Variants in TNIK observed in about 807,000 individuals in gnomAD.
TNIK encodes the protein TRAF2 and NCK-interacting protein kinase.
Under a neutral mutation model 191.3 loss-of-function variants are expected in TNIK, and 49 were observed. The observed-to-expected ratio is 0.26, with a 90% CI of 0.20 to 0.32. TNIK has a LOEUF of 0.32. Among genes scored for constraint, TNIK ranks in the 10% least tolerant of loss-of-function variants. The pLI, the probability that TNIK is intolerant of heterozygous loss-of-function variation, is 1.00. For missense variants in TNIK, 1,155 were observed against 1,702.3 expected, an observed-to-expected ratio of 0.68 and a Z score of 5.66; for synonymous variants, 594 against 600.9, an observed-to-expected ratio of 0.99 and a Z score of 0.17.
intron 2 of TNIK, among the ~76,000 whole-genome samples, chr3:171,233,510 C>G (rs1004298574): frequency 1.3e-5 from 2 of 152,120 alleles, no homozygotes; most frequent in African/African-American, 4.8e-5. Flanking sequence ...CCAAGATTCT[C>G]GAGTACAGAC....
intron 4 of TNIK, among the ~76,000 whole-genome samples, chr3:171,208,196 T>C (rs1740337050): frequency 6.6e-6 from 1 of 152,126 alleles, no homozygotes; most frequent in African/African-American, 2.4e-5. Flanking sequence ...TGGCGTGCTC[T>C]TGCAGTCAGA....
intron 1 of TNIK, among the ~76,000 whole-genome samples, chr3:171,455,316 C>G (rs1728666414): frequency 6.6e-6 from 1 of 151,772 alleles, no homozygotes; most frequent in African/African-American, 2.4e-5. Context: ...TGCCGTGACA[C>G]AATCACAGCC....
chr3:171,148,713 G>A (rs1731984227), intron 12 of TNIK, among the ~76,000 whole-genome samples: 1 of 152,102 alleles, frequency 6.6e-6, no homozygotes, highest in African/African-American at 2.4e-5. Flanking sequence ...AACATTTGTG[G>A]GAAAACATTA....
chr3:171,295,005 AAGAGAGAGAG>A (rs141597723), intron 2 of TNIK, among the ~76,000 whole-genome samples: 3 of 146,596 alleles, frequency 2.0e-5, no homozygotes, highest in African/African-American at 7.6e-5. Context: ...CTGGCCAGGG[AAGAGAGAGAG>A]AGAGAGAGAG....
At chr3:171,429,140 T>C (rs1370003652) in intron 1 of TNIK, among the ~76,000 whole-genome samples, 1 of 152,122 alleles carries the variant, frequency 6.6e-6, no homozygotes, top group Admixed American at 6.6e-5. Flanking sequence ...CCTACGAAGT[T>C]CACCAAGCCA....
chr3:171,370,918 A>G (rs1458862877), intron 1 of TNIK, among the ~76,000 whole-genome samples: 1 of 152,192 alleles, frequency 6.6e-6, no homozygotes, highest in Admixed American at 6.5e-5. Context: ...GGACACTTAC[A>G]TAAGAGCAAT....
chr3:171,454,064 A>C (rs1728508485), intron 1 of TNIK, among the ~76,000 whole-genome samples: 1 of 152,262 alleles, frequency 6.6e-6, no homozygotes. Flanking sequence ...GCACACTGCT[A>C]ACAAACCAGT....
At chr3:171,293,989 C>T (rs867421600) in intron 2 of TNIK, among the ~76,000 whole-genome samples, 43 of 152,288 alleles carry the variant, frequency 2.8e-4, no homozygotes, top group Middle Eastern at 3.4e-3. Context: ...CTTTGGAAGG[C>T]TGAGGCAGGC....
Position 171,436,332 on chromosome 3 carries a change from A to G in TNIK, c.57+23675T>C, listed in dbSNP as rs76209480. Among the ~76,000 whole-genome samples, 445 of 152,318 alleles carry G rather than the reference A, an allele frequency of 2.9e-3. 3 individuals are homozygous for G. The highest frequency in any genetic ancestry group is 0.022 in the East Asian group (116 of 5,186). On this transcript the variant is annotated intron_variant, in intron 1 of 32. Coordinates refer to ENST00000436636, the MANE Select transcript of TNIK (RefSeq NM_015028.4). The stretch of plus-strand genomic sequence containing the variant: ...CACCAGATTCAGAGTAGGCTCTCAA[A>G]TTGTTTGCAAGAGTGATGCTGATGT...
intron 18 of TNIK, among the ~76,000 whole-genome samples, chr3:171,117,684 TC>T (rs1434662872): frequency 6.6e-6 from 1 of 151,988 alleles, no homozygotes; most frequent in Non-Finnish European, 1.5e-5. Context: ...AAAAATATGT[TC>T]TCTGGCCGGG....
In TNIK at chr3:171,351,250, AAT is replaced by A. The variant is rs532347453; in HGVS notation, c.123+18368_123+18369del. Among the ~76,000 whole-genome samples the A allele has an allele frequency of 1.9e-4, 18 of 93,996 alleles. No homozygotes were observed. The East Asian group carries it at 4.1e-3, about 21-fold the overall frequency. 61.7% of individuals were successfully genotyped at this position (93,996 alleles called of 152,430 possible). A position where few individuals can be genotyped will look rare whatever the true frequency, so the allele number is the denominator to read the frequency against. ...TACTTTCCCCAACAACCATAGAGAAAATATATATATATATGTATATATGTGTG... is the reference window on the plus strand; with the variant it reads ...TACTTTCCCCAACAACCATAGAGAAAATATATATATATGTATATATGTGTG... On this transcript the variant is annotated intron_variant, in intron 2 of 32. Transcript: ENST00000436636.
rs149165367 is a variant in TNIK, at chr3:171,320,850, T to G, written c.123+48770A>C. 4.5e-3 allele frequency among the ~76,000 whole-genome samples: 688 copies of G among 152,282 alleles called. 5 individuals carry two copies. Among genetic ancestry groups the G allele is most frequent in the African/African-American group, 0.015 (627 of 41,550 alleles). ...GAGGCTGTGTCTGAGAGAAAACACA[T>G]AGTTGGCTATTAATAGTCCCACTCC... On this transcript the variant is annotated intron_variant, in intron 2 of 32. Transcript: ENST00000436636.
At chr3:171,184,249 T>G (rs1409428795) in intron 7 of TNIK, among the ~76,000 whole-genome samples, 1 of 152,172 alleles carries the variant, frequency 6.6e-6, no homozygotes, top group African/African-American at 2.4e-5. Context: ...TTATATATTA[T>G]GTTATCTAGA....
rs532790286 is a variant in TNIK at position 171,261,206 on chromosome 3, C to T, written c.124-32985G>A. Among the ~76,000 whole-genome samples the T allele has an allele frequency of 2.0e-5, 3 of 152,356 alleles. No individual in the cohort carries two copies. The East Asian group carries it at 5.8e-4, about 29-fold the overall frequency. On this transcript the variant is annotated intron_variant, in intron 2 of 32. Transcript: ENST00000436636. ...ACTCTCTTGCCCTTTGTGGCTATAG[C>T]ATTTCTCCCACCCTTCTATACTATG...
chr3:171,087,043 G>A (rs188197955), intron 24 of TNIK, among the ~76,000 whole-genome samples: 3 of 152,288 alleles, frequency 2.0e-5, no homozygotes, highest in Admixed American at 6.5e-5. Context: ...GGAGGTCCCA[G>A]TTCTGGTCTT....
chr3:171,460,352 A>C lies in TNIK; in HGVS notation c.-289T>G. 1 of 524,182 alleles carries C rather than the reference A, an allele frequency of 1.9e-6. No individual in the cohort carries two copies. The highest frequency in any genetic ancestry group is 3.4e-6 in the Non-Finnish European group (1 of 293,562). 32.5% of individuals were successfully genotyped at this position (524,182 alleles called of 1,614,324 possible). A position where few individuals can be genotyped will look rare whatever the true frequency, so the allele number is the denominator to read the frequency against. On this transcript the variant is annotated 5_prime_UTR_variant, in exon 1 of 33. The change creates a premature stop within an existing upstream ORF in the 5' untranslated region. Transcript: ENST00000436636. This position sits in a 1 kb window ranked among gnomAD's most constrained non-coding sequence, Gnocchi z 6.8. ...GCGCTGGGGCTGCGTGGGTGTATTT[A>C]AATGGGACATGCTTCTTTGCTTGTG...
At chr3:171,214,099 T>C (rs1741178689) in intron 3 of TNIK, among the ~76,000 whole-genome samples, 1 of 152,082 alleles carries the variant, frequency 6.6e-6, no homozygotes, top group Admixed American at 6.6e-5. Flanking sequence ...ATCCTTGATC[T>C]TACGCAACTT....
chr3:171,454,523 C>T lies in TNIK; in HGVS notation c.57+5484G>A, dbSNP rs79548699. 3.2e-3 allele frequency among the ~76,000 whole-genome samples: 484 copies of T among 152,228 alleles called. 2 individuals carry two copies. The highest frequency in any genetic ancestry group is 0.011 in the African/African-American group (473 of 41,542). ...ACCATGACTTACACTGGCTTTTGTA[C>T]TAAAGATTACTCCAGTTAATAATGA... On this transcript the variant is annotated intron_variant, in intron 1 of 32. Coordinates refer to ENST00000436636, the MANE Select transcript of TNIK (RefSeq NM_015028.4).
At chr3:171,384,126 T>C (rs1577716447) in intron 1 of TNIK, among the ~76,000 whole-genome samples, 1 of 152,334 alleles carries the variant, frequency 6.6e-6, no homozygotes, top group East Asian at 1.9e-4. Context: ...CTTACCAGTC[T>C]TTTGAGATCA....
Sources: gnomAD v4.1 joint callset for allele counts (sites outside exome capture counted in the v4.1 genomes callset) on GRCh38, gnomAD v4.1.1 for gene constraint, Gnocchi (gnomAD v3.1) non-coding constraint, MANE v1.5 for transcripts, NCBI Gene and HGNC (gene_info 2026-07-23, HGNC 2026-07-21) for gene names.